The following PTCH1 variants were observed in gnomAD, a reference collection of about 807,000 sequenced individuals.
PTCH1 encodes the protein patched 1.
PTCH1 carries 14 observed loss-of-function variants against 144.6 expected under a neutral mutation model. The ratio of observed to expected loss-of-function variants is 0.10; its 90% CI spans 0.06 to 0.15. The LOEUF is 0.15. Ranked by LOEUF, PTCH1 falls within the 10% of genes least tolerant of loss-of-function variation. The probability of loss-of-function intolerance (pLI) is 1.00; values close to 1 mark genes in which losing one functional copy is unlikely to be tolerated. For synonymous variants in PTCH1, 833 were observed against 793.6 expected, an observed-to-expected ratio of 1.05 and a Z score of -0.83; for missense variants, 1,623 against 1,948.3, an observed-to-expected ratio of 0.83 and a Z score of 3.14.
intron 3 of PTCH1, among the ~76,000 whole-genome samples, chr9:95,485,016 G>A (rs1326267718): frequency 2.0e-5 from 3 of 152,108 alleles, no homozygotes; most frequent in Non-Finnish European, 4.4e-5. Flanking sequence ...GACTAGCCTG[G>A]CCAAAATGGT....
At chr9:95,464,459 A>G (rs1839820199) in intron 15 of PTCH1, among the ~76,000 whole-genome samples, 1 of 152,216 alleles carries the variant, frequency 6.6e-6, no homozygotes, top group South Asian at 2.1e-4. Context: ...TTTCTAATGT[A>G]AAGTTCTAGG....
intron 2 of PTCH1, among the ~76,000 whole-genome samples, chr9:95,501,054 G>A (rs1317608977): frequency 2.0e-5 from 3 of 152,196 alleles, no homozygotes; most frequent in African/African-American, 4.8e-5. Context: ...TCTTAAAGAA[G>A]ATTAATACTC....
chr9:95,504,368 T>C (rs771396146), intron 2 of PTCH1, among the ~76,000 whole-genome samples: 1 of 152,250 alleles, frequency 6.6e-6, no homozygotes, highest in Admixed American at 6.5e-5. Context: ...GGTCGTGTTA[T>C]GCAGAAAGCA....
chr9:95,500,506 C>G lies in PTCH1; in HGVS notation c.394+5901G>C, dbSNP rs28671577. Among the ~76,000 whole-genome samples, 390 of 152,312 alleles carry G rather than the reference C, an allele frequency of 2.6e-3. 2 individuals are homozygous for G. The highest frequency in any genetic ancestry group is 8.9e-3 in the African/African-American group (370 of 41,564). On this transcript the variant is annotated intron_variant, in intron 2 of 23. Coordinates refer to ENST00000331920, the MANE Select transcript of PTCH1 (RefSeq NM_000264.5). ...TGGGGGTCCAGGGAGCAGAAAGGAG[C>G]TGCATTTTTCTTCCTGTCCCTTGTG... is the stretch of plus-strand genomic sequence containing the variant.
chr9:95,512,403 T>G (rs1221571260), upstream of PTCH1, among the ~76,000 whole-genome samples: 7 of 120,996 alleles, frequency 5.8e-5, no homozygotes, highest in Non-Finnish European at 1.2e-4. Flanking sequence ...GCTTCCCCTG[T>G]GGTCTGCTTT....
intron 1 of PTCH1, 51 bp from the exon 2 acceptor site, chr9:95,506,650 G>A: frequency 2.0e-6 from 3 of 1,510,640 alleles, no homozygotes; most frequent in Non-Finnish European, 2.7e-6. Context: ...CGCGGCCCGC[G>A]CGCCCACGCC....
chr9:95,485,384 A>G (rs1841883518), intron 3 of PTCH1, among the ~76,000 whole-genome samples: 2 of 152,184 alleles, frequency 1.3e-5, no homozygotes, highest in Admixed American at 1.3e-4. Flanking sequence ...CTCTTAAGCA[A>G]TGAAACATCT....
chr9:95,468,536 T>G (rs1435159942), intron 14 of PTCH1, among the ~76,000 whole-genome samples: 2 of 152,194 alleles, frequency 1.3e-5, no homozygotes, highest in Admixed American at 6.5e-5. Flanking sequence ...ATAAAAAGAC[T>G]TGCTGCATAG....
chr9:95,480,145 C>T (rs193010832), intron 6 of PTCH1, 55 bp from the exon 7 acceptor site: 1 of 1,611,172 alleles, frequency 6.2e-7, no homozygotes, highest in Non-Finnish European at 8.5e-7. Flanking sequence ...GGTCACATGC[C>T]TTGTTAAAAT....
chr9:95,462,112 GAAACAC>G (rs1660821164), intron 15 of PTCH1, 114 bp from the exon 16 acceptor site: 1 of 1,201,726 alleles, frequency 8.3e-7, no homozygotes, highest in Non-Finnish European at 1.2e-6. Context: ...ACGTCCATCA[GAAACAC>G]ACCCTCTGTG....
intron 1 of PTCH1, chr9:95,507,921 C>T: frequency 7.3e-7 from 1 of 1,364,020 alleles, no homozygotes. Flanking sequence ...CACACACACG[C>T]ACACACACAC....
intron 2 of PTCH1, among the ~76,000 whole-genome samples, chr9:95,504,214 A>AGTAAGCAAAGTGAGT (rs1367065994): frequency 1.3e-5 from 2 of 152,140 alleles, no homozygotes; most frequent in Admixed American, 6.5e-5. Context: ...AACTGCCAAA[A>AGTAAGCAAAGTGAGT]GTAAGCAAAG....
In PTCH1 at chr9:95,445,638, C is replaced by G. The variant is rs548082230; in HGVS notation, c.*755G>C. 1 of 151,136 alleles carries G rather than the reference C, an allele frequency of 6.6e-6. No homozygotes were observed. Among genetic ancestry groups the G allele is most frequent in the South Asian group, 2.1e-4 (1 of 4,782 alleles). The allele number at this position is 151,136 out of a possible 1,614,324, so 9.4% of individuals were successfully genotyped here. ...GTGGATGTTTAGGGCCAGCCCTCACCAGCACGAAGAAAAGATATCCTGACG... is the reference window on the plus strand; with the variant it reads ...GTGGATGTTTAGGGCCAGCCCTCACGAGCACGAAGAAAAGATATCCTGACG... On this transcript the variant is annotated 3_prime_UTR_variant, in exon 24 of 24. Coordinates refer to ENST00000331920, the MANE Select transcript of PTCH1 (RefSeq NM_000264.5).
chr9:95,475,291 G>A (rs1840926887), intron 12 of PTCH1, among the ~76,000 whole-genome samples: 1 of 152,176 alleles, frequency 6.6e-6, no homozygotes, highest in Non-Finnish European at 1.5e-5. Context: ...GGCCTCTGGG[G>A]GTGACGGGGC....
chr9:95,486,440 A>G (rs1001146794), intron 2 of PTCH1, among the ~76,000 whole-genome samples: 1 of 152,262 alleles, frequency 6.6e-6, no homozygotes, highest in Non-Finnish European at 1.5e-5. Context: ...AATTGAGAGG[A>G]ACAAACTGTA....
chr9:95,496,021 T>A (rs998033587), intron 2 of PTCH1, among the ~76,000 whole-genome samples: 13 of 152,218 alleles, frequency 8.5e-5, no homozygotes, highest in African/African-American at 2.9e-4. Flanking sequence ...GTTATATTTC[T>A]GTCTTTCTCT....
intron 12 of PTCH1, among the ~76,000 whole-genome samples, chr9:95,472,174 GA>G (rs1488369844): frequency 6.6e-6 from 1 of 152,210 alleles, no homozygotes; most frequent in East Asian, 1.9e-4. Flanking sequence ...TCACTTTGGG[GA>G]AGAGAAAGGA....
chr9:95,449,412 C>T lies in PTCH1; in HGVS notation c.3550-89G>A, dbSNP rs1838255101. ...CTCAAAGCACGGTATTTTTCAGGGG[C>T]CTCTGTTCCCTGCCCTGGGGCCCTG... is the stretch of plus-strand genomic sequence containing the variant. On this transcript the variant is annotated intron_variant, in intron 21 of 23. Transcript: ENST00000331920. The surrounding 1 kb of genome is among the most constrained non-coding windows in gnomAD (Gnocchi z 5.3). 2 of 1,505,558 alleles carry T rather than the reference C, an allele frequency of 1.3e-6. No individual in the cohort carries two copies. The highest frequency in any genetic ancestry group is 3.9e-5 in the Admixed American group (2 of 50,938). 93.3% of individuals were successfully genotyped at this position (1,505,558 alleles called of 1,614,324 possible).
chr9:95,459,189 T>C (rs981488126), intron 17 of PTCH1, among the ~76,000 whole-genome samples: 4 of 152,212 alleles, frequency 2.6e-5, no homozygotes, highest in African/African-American at 7.2e-5. Context: ...TGGTGGCTTA[T>C]AGGAATGACC....
Sources: allele counts gnomAD v4.1 joint callset (sites outside exome capture counted in the v4.1 genomes callset), GRCh38; gene constraint gnomAD v4.1.1; non-coding constraint Gnocchi (gnomAD v3.1); transcripts MANE v1.5; gene names NCBI Gene and HGNC (gene_info 2026-07-23, HGNC 2026-07-21).